GARIN4: variants seen among roughly 807,000 people sequenced by gnomAD.
GARIN4 encodes the protein golgi associated RAB2 interactor family member 4.
At chr1:212,625,324 C>G in the GARIN4 span, 1 of 1,614,264 alleles carries the variant, frequency 6.2e-7, no homozygotes, top group Non-Finnish European at 8.5e-7. Context: ...GCAGATCTTG[C>G]TATCTGCAAT....
At chr1:212,625,138 A>G in the GARIN4 span, 1 of 1,614,158 alleles carries the variant, frequency 6.2e-7, no homozygotes, top group Non-Finnish European at 8.5e-7. Context: ...ATGTCATGCT[A>G]CTGGCACGAC....
the GARIN4 span, chr1:212,624,857 C>G: frequency 2.6e-6 from 4 of 1,551,854 alleles, no homozygotes; most frequent in Admixed American, 7.6e-5. Context: ...ACCAGTGCTG[C>G]CGTTGTGCTG....
the GARIN4 span, chr1:212,624,723 A>C: frequency 7.2e-7 from 1 of 1,380,620 alleles, no homozygotes; most frequent in Non-Finnish European, 9.4e-7. Flanking sequence ...CTCTGAGGCA[A>C]CAGTGGGGGC....
the GARIN4 span, chr1:212,626,279 G>A: frequency 1.2e-6 from 2 of 1,614,214 alleles, no homozygotes; most frequent in Non-Finnish European, 8.5e-7. Context: ...CAGCCACAGA[G>A]CCAATAGAGA....
At chr1:212,625,174 T>C in the GARIN4 span, 1 of 1,614,130 alleles carries the variant, frequency 6.2e-7, no homozygotes, top group Non-Finnish European at 8.5e-7. Context: ...AAGAGTATGC[T>C]GGACATGGCC....
the GARIN4 span, chr1:212,625,125 C>T: frequency 6.2e-7 from 1 of 1,614,162 alleles, no homozygotes; most frequent in Non-Finnish European, 8.5e-7. Flanking sequence ...CTCCCACTCC[C>T]AGATGTCATG....
chr1:212,625,228 G>T, the GARIN4 span: 2 of 1,613,988 alleles, frequency 1.2e-6, no homozygotes, highest in Non-Finnish European at 1.7e-6. Flanking sequence ...AGAACTTAGA[G>T]CTCACCAGGC....
At chr1:212,624,551 A>T in the GARIN4 span, 4 of 205,880 alleles carry the variant, frequency 1.9e-5, no homozygotes, top group Non-Finnish European at 2.9e-5. Context: ...AACTGTAATT[A>T]AAAAAATCAG....
At chr1:212,624,998 A>G in the GARIN4 span, 1 of 1,614,198 alleles carries the variant, frequency 6.2e-7, no homozygotes, top group African/African-American at 1.3e-5. Flanking sequence ...CGATATATTC[A>G]AGTATGCACC....
At chr1:212,626,282 A>T in the GARIN4 span, 1 of 1,614,218 alleles carries the variant, frequency 6.2e-7, no homozygotes, top group Non-Finnish European at 8.5e-7. Flanking sequence ...CCACAGAGCC[A>T]ATAGAGATGA....
chr1:212,624,616 C>T, the GARIN4 span: 4 of 403,314 alleles, frequency 9.9e-6, no homozygotes, highest in Non-Finnish European at 1.7e-5. Context: ...GCCCACCCTG[C>T]ATCTCTACGT....
chr1:212,624,951 T>C, the GARIN4 span: 1 of 1,613,932 alleles, frequency 6.2e-7, no homozygotes, highest in South Asian at 1.1e-5. Flanking sequence ...AACACCACCA[T>C]GGGGAAACTG....
the GARIN4 span, chr1:212,625,601 G>A: frequency 6.2e-7 from 1 of 1,614,208 alleles, no homozygotes; most frequent in Middle Eastern, 1.6e-4. Context: ...TGCTGGAGGG[G>A]AGGGACTCCA....
chr1:212,626,525 G>A, the GARIN4 span: 8 of 1,614,238 alleles, frequency 5.0e-6, no homozygotes, highest in Non-Finnish European at 6.8e-6. Flanking sequence ...TGGCAGAGAT[G>A]TGAACGTCAT....
chr1:212,626,343 C>G, the GARIN4 span: 17 of 1,614,040 alleles, frequency 1.1e-5, no homozygotes, highest in Admixed American at 1.7e-5. Context: ...CACAGGGACT[C>G]GCATAAAGGT....
chr1:212,625,375 T>C, the GARIN4 span: 3 of 1,614,106 alleles, frequency 1.9e-6, no homozygotes, highest in Non-Finnish European at 2.5e-6. Context: ...TCTTTGCCTA[T>C]TGGGAAAAAC....
At chr1:212,624,724 C>T in the GARIN4 span, 1 of 1,387,346 alleles carries the variant, frequency 7.2e-7, no homozygotes, top group Admixed American at 3.1e-5. Flanking sequence ...TCTGAGGCAA[C>T]AGTGGGGGCC....
chr1:212,625,403 C>A, the GARIN4 span: 1 of 1,614,200 alleles, frequency 6.2e-7, no homozygotes, highest in South Asian at 1.1e-5. Context: ...CCTCTTGCGG[C>A]CACCCATGGA....
At chr1:212,625,343 G>C in the GARIN4 span, 1 of 1,614,240 alleles carries the variant, frequency 6.2e-7, no homozygotes, top group South Asian at 1.1e-5. Context: ...ATTGTGTCCC[G>C]CTCTTGACAC....
Sources: gnomAD v4.1 joint callset for allele counts on GRCh38, gnomAD v4.1.1 for gene constraint, MANE v1.5 for transcripts, NCBI Gene and HGNC (gene_info 2026-07-23, HGNC 2026-07-21) for gene names.